Variants in NAV2 observed in about 807,000 individuals in gnomAD.
NAV2 encodes the protein neuron navigator 2.
NAV2 carries 54 observed loss-of-function variants against 223.2 expected under a neutral mutation model. The ratio of observed to expected loss-of-function variants is 0.24; its 90% confidence interval spans 0.19 to 0.30. The LOEUF is 0.30. Among genes scored for constraint, NAV2 ranks in the 10% least tolerant of loss-of-function variants. NAV2 has a pLI of 1.00. For missense variants in NAV2, 2,806 were observed against 3,147.5 expected (o/e 0.89, Z 2.60); for synonymous variants, 1,279 against 1,239.3 (o/e 1.03, Z -0.67).
rs574135436 is a variant in NAV2 at position 19,911,174 on chromosome 11, T to C, written c.931+18580T>C. Among the ~76,000 whole-genome samples, 265 of 152,194 alleles carry C rather than the reference T, an allele frequency of 1.7e-3. 1 individual carries two copies. The highest frequency in any genetic ancestry group is 6.3e-3 in the African/African-American group (260 of 41,544). On this transcript the variant is annotated intron_variant, in intron 6 of 37. Coordinates refer to ENST00000349880, the MANE Select transcript of NAV2 (RefSeq NM_145117.5). ...CCCAGCATGTGCCAGATGCTGTGCT[T>C]GGAATAGGGACAGGACACGTAGCAC...
intron 1 of NAV2, among the ~76,000 whole-genome samples, chr11:19,790,209 G>A (rs2057423438): frequency 6.6e-6 from 1 of 152,156 alleles, no homozygotes; most frequent in African/African-American, 2.4e-5. Flanking sequence ...CATTTTCATG[G>A]ATTTCATGGT....
At chr11:20,042,273 T>TC (rs1459526061) in intron 12 of NAV2, among the ~76,000 whole-genome samples, 16 of 152,162 alleles carry the variant, frequency 1.1e-4, no homozygotes, top group South Asian at 4.2e-4. Context: ...GAGGCTGAGA[T>TC]CGGATAAGAT....
intron 1 of NAV2, among the ~76,000 whole-genome samples, chr11:19,491,163 C>T (rs1352746127): frequency 6.6e-6 from 1 of 151,990 alleles, no homozygotes; most frequent in Non-Finnish European, 1.5e-5. Flanking sequence ...TCCTTAAGGG[C>T]CCTAGGATTT....
At chr11:19,986,162 T>C (rs909868918) in intron 11 of NAV2, among the ~76,000 whole-genome samples, 3 of 152,216 alleles carry the variant, frequency 2.0e-5, no homozygotes, top group Admixed American at 2.0e-4. Context: ...TAGATCACAG[T>C]TGAGCTTGTT....
chr11:20,119,873 C>G lies in NAV2; in HGVS notation c.*1615C>G, dbSNP rs774937310. The G allele has an allele frequency of 1.3e-5, 2 of 152,122 alleles. No homozygotes were observed. Among genetic ancestry groups the G allele is most frequent in the Non-Finnish European group, 2.9e-5 (2 of 68,022 alleles). The allele number at this position is 152,122 out of a possible 1,614,324, so 9.4% of individuals were successfully genotyped here. ...TTCTTTTCGGTCTCCAGCTGACAAC[C>G]CAACTGGACAATGATCTGTCTGGTG... On this transcript the variant is annotated 3_prime_UTR_variant, in exon 38 of 38. Transcript: ENST00000349880.
intron 22 of NAV2, among the ~76,000 whole-genome samples, chr11:20,070,842 C>T (rs1190295492): frequency 1.3e-5 from 2 of 152,104 alleles, no homozygotes; most frequent in Non-Finnish European, 2.9e-5. Context: ...ACAAAGGCAA[C>T]CCTTTTGTTT....
chr11:19,813,960 G>A (rs1438780185), intron 1 of NAV2, among the ~76,000 whole-genome samples: 1 of 152,190 alleles, frequency 6.6e-6, no homozygotes, highest in South Asian at 2.1e-4. Flanking sequence ...TTTCTATGCA[G>A]AGCAGAGACC....
intron 1 of NAV2, among the ~76,000 whole-genome samples, chr11:19,558,970 A>G (rs1300986166): frequency 6.6e-6 from 1 of 152,170 alleles, no homozygotes; most frequent in Non-Finnish European, 1.5e-5. Context: ...CCAGCCTCTT[A>G]CCGCCTTGCC....
intron 11 of NAV2, among the ~76,000 whole-genome samples, chr11:20,013,160 G>A (rs1218186040): frequency 1.3e-5 from 2 of 152,146 alleles, no homozygotes; most frequent in African/African-American, 4.8e-5. Context: ...TAACCTCTCT[G>A]AGTTGTAGAT....
intron 11 of NAV2, among the ~76,000 whole-genome samples, chr11:20,028,955 G>C (rs1392766592): frequency 6.6e-6 from 1 of 152,194 alleles, no homozygotes; most frequent in Non-Finnish European, 1.5e-5. Flanking sequence ...CATGGGGATT[G>C]TATCAAATAA....
chr11:20,117,360 C>T (rs2063200273), intron 37 of NAV2, among the ~76,000 whole-genome samples: 1 of 152,112 alleles, frequency 6.6e-6, no homozygotes, highest in Non-Finnish European at 1.5e-5. Context: ...CCAGGCCAGC[C>T]CCTTTTCTAA....
intron 4 of NAV2, among the ~76,000 whole-genome samples, chr11:19,871,875 C>G (rs2062529321): frequency 6.6e-6 from 1 of 152,148 alleles, no homozygotes; most frequent in African/African-American, 2.4e-5. Flanking sequence ...TTAGAGCTAC[C>G]ACTCCCTTGA....
chr11:19,955,079 C>T (rs1047221742), intron 10 of NAV2, among the ~76,000 whole-genome samples: 3 of 151,970 alleles, frequency 2.0e-5, no homozygotes, highest in Non-Finnish European at 4.4e-5. Context: ...CATTGGCTGG[C>T]ACTGTGCCTG....
chr11:19,993,021 G>C lies in NAV2; in HGVS notation c.2768+8774G>C, dbSNP rs557942888. 7.2e-5 allele frequency among the ~76,000 whole-genome samples: 11 copies of C among 152,268 alleles called. No individual in the cohort carries two copies. In the South Asian group the frequency reaches 2.3e-3, roughly 32 times the overall value. The stretch of plus-strand genomic sequence containing the variant: ...ATGAAAGCAAGAATAAGAGGCCAAA[G>C]AGAAAGGCCAAGATGGGTCACCTTT... On this transcript the variant is annotated intron_variant, in intron 11 of 37. Coordinates refer to ENST00000349880, the MANE Select transcript of NAV2 (RefSeq NM_145117.5).
rs75524437 is a variant in NAV2 at position 19,612,606 on chromosome 11, A to G, written c.76-219878A>G. Among the ~76,000 whole-genome samples the G allele has an allele frequency of 6.0e-3, 916 of 152,276 alleles. 4 individuals are homozygous for G. The highest frequency in any genetic ancestry group is 0.02 in the African/African-American group (821 of 41,554). ...GGGGTAAAATGCCACCAGCCTCTTT[A>G]CTAAAACATAACAAGAGTTGCCTTT... On this transcript the variant is annotated intron_variant, in intron 1 of 37. Coordinates refer to the NAV2 transcript ENST00000360655.
At chr11:19,416,284 A>T in intron 1 of NAV2, among the ~76,000 whole-genome samples, 1 of 152,230 alleles carries the variant, frequency 6.6e-6, no homozygotes, top group East Asian at 1.9e-4. Context: ...AATCACAAGC[A>T]TTCCTATACA....
chr11:20,020,147 T>C (rs2054375948), intron 11 of NAV2, among the ~76,000 whole-genome samples: 1 of 152,196 alleles, frequency 6.6e-6, no homozygotes. Context: ...TCATTAGAAA[T>C]AAGTGAACAT....
intron 1 of NAV2, among the ~76,000 whole-genome samples, chr11:19,526,327 T>C (rs908679505): frequency 6.6e-6 from 1 of 152,218 alleles, no homozygotes; most frequent in East Asian, 1.9e-4. Flanking sequence ...GGTAATATCT[T>C]GCATAACTTG....
intron 1 of NAV2, among the ~76,000 whole-genome samples, chr11:19,614,950 C>T (rs2046751181): frequency 6.6e-6 from 1 of 152,168 alleles, no homozygotes; most frequent in Non-Finnish European, 1.5e-5. Context: ...ACATGGTACT[C>T]TTCTTTGTGA....
Sources: gnomAD v4.1 joint callset for allele counts (sites outside exome capture counted in the v4.1 genomes callset) on GRCh38, gnomAD v4.1.1 for gene constraint, MANE v1.5 for transcripts, NCBI Gene and HGNC (gene_info 2026-07-23, HGNC 2026-07-21) for gene names.